MBD1: variants seen among roughly 807,000 people sequenced by gnomAD.
The protein encoded by MBD1 is methyl-CpG binding domain protein 1.
In MBD1, 25 loss-of-function variants were observed where a neutral mutation model predicts 82.6. That is an observed-to-expected ratio of 0.30 (90% CI 0.22 to 0.42). MBD1 has a LOEUF of 0.42. MBD1 is among the 10% of genes least tolerant of loss of function. MBD1 has a pLI of 1.00. For missense variants in MBD1, 627 were observed against 819.6 expected, an observed-to-expected ratio of 0.76 and a Z score of 2.87; for synonymous variants, 301 against 303.7, an observed-to-expected ratio of 0.99 and a Z score of 0.09.
chr18:50,271,345 T>C (rs1238002668), intron 16 of MBD1, 124 bp downstream of exon 16: 2 of 1,581,634 alleles, frequency 1.3e-6, no homozygotes, highest in Non-Finnish European at 1.7e-6. Flanking sequence ...AGGCCTGCTC[T>C]TCTGGTTTGG....
At chr18:50,270,168 A>G in intron 16 of MBD1, 1 of 1,597,818 alleles carries the variant, frequency 6.3e-7, no homozygotes, top group South Asian at 1.1e-5. Context: ...AGGGGTGGGG[A>G]AGGTGGCAGA....
At position 50,280,185 on chromosome 18, in the gene MBD1, A is replaced by G. The variant is rs2039662114; in HGVS notation, c.-25-168T>C. ...AAGAAACCCCTCATATTCTCACCCC[A>G]TTCTTTCCTATTCTGGGCCTAGGAT... On this transcript the variant is annotated intron_variant, in intron 1 of 16. Coordinates refer to ENST00000269468, the MANE Select transcript of MBD1 (RefSeq NM_015846.4). Among the ~76,000 whole-genome samples the G allele has an allele frequency of 2.0e-5, 3 of 151,964 alleles. No individual in the cohort carries two copies. The South Asian group carries it at 6.2e-4, about 32-fold the overall frequency.
At chr18:50,271,305 T>A in intron 16 of MBD1, 164 bp downstream of exon 16, 2 of 1,511,834 alleles carry the variant, frequency 1.3e-6, no homozygotes, top group South Asian at 2.6e-5. Context: ...CCTTTCCCGC[T>A]TACTTCTTCT....
At chr18:50,279,845 T>C in intron 2 of MBD1, 38 bp downstream of exon 2, 7 of 1,613,434 alleles carry the variant, frequency 4.3e-6, no homozygotes, top group Non-Finnish European at 5.9e-6. Context: ...AATCAGGCTC[T>C]ACCCCACTCC....
intron 1 of MBD1, 147 bp from the exon 2 acceptor site, chr18:50,280,164 A>C: frequency 1.5e-6 from 1 of 672,558 alleles, no homozygotes; most frequent in Non-Finnish European, 2.5e-6. Flanking sequence ...ATGGAAAAGA[A>C]ACCCCTCATA....
intron 13 of MBD1, 42 bp downstream of exon 13, chr18:50,273,292 A>C (rs1599316276): frequency 6.2e-7 from 1 of 1,611,616 alleles, no homozygotes; most frequent in South Asian, 1.1e-5. Flanking sequence ...CTTACAGACC[A>C]CTCCGCTACG....
chr18:50,281,185 T>C (rs1426796176), intron 1 of MBD1, 178 bp downstream of exon 1: 1 of 1,534,054 alleles, frequency 6.5e-7, no homozygotes, highest in Admixed American at 2.0e-5. Context: ...CAGAGCTGCA[T>C]TCCTTCCCGT....
At position 50,270,887 on chromosome 18, in the gene MBD1, G is replaced by A. The variant is rs78239672; in HGVS notation, c.*32+582C>T. On this transcript the variant is annotated intron_variant, in intron 16 of 16. Coordinates refer to ENST00000269468, the MANE Select transcript of MBD1 (RefSeq NM_015846.4). ...AAAGAACAAGGGCTTTAAAAGCTGGGTTTGAGTCTAGGCTCTACTAACACC... is the reference window on the plus strand; with the variant it reads ...AAAGAACAAGGGCTTTAAAAGCTGGATTTGAGTCTAGGCTCTACTAACACC... 6.5e-3 allele frequency: 1,869 copies of A among 287,622 alleles called. 26 individuals are homozygous for A. The highest frequency in any genetic ancestry group is 0.039 in the African/African-American group (1,717 of 43,764). The allele number at this position is 287,622 out of a possible 1,614,324, so 17.8% of individuals were successfully genotyped here.
At chr18:50,281,179 G>A in intron 1 of MBD1, 184 bp downstream of exon 1, 2 of 1,533,960 alleles carry the variant, frequency 1.3e-6, no homozygotes, top group Non-Finnish European at 8.7e-7. Flanking sequence ...AGAGTTCAGA[G>A]CTGCATTCCT....
intron 13 of MBD1, 133 bp from the exon 14 acceptor site, chr18:50,273,088 G>A: frequency 7.7e-7 from 1 of 1,304,122 alleles, no homozygotes; most frequent in Non-Finnish European, 1.1e-6. Context: ...CCATCTCTCT[G>A]CCTACAAAGC....
Position 50,274,294 on chromosome 18 carries a change from C to G in MBD1, c.1038G>C (p.Arg346=). Residue 346 remains arginine, a synonymous_variant, in exon 11 of 17, where the codon CGG becomes CGC. Coordinates refer to ENST00000269468, the MANE Select transcript of MBD1 (RefSeq NM_015846.4). ...AGTCGCAGCGGCCACAGTCCATCCG[C>G]CGTAGGCAGGCTGCACAGGCCCCGC... ...RKCGACAACL[R]RMDCGRCDFC... is the part of the protein sequence containing the mutation. 6.2e-7 allele frequency: 1 copy of G among 1,614,020 alleles called. No homozygotes were observed. Among genetic ancestry groups the G allele is most frequent in the African/African-American group, 1.3e-5 (1 of 75,072 alleles).
chr18:50,272,525 C>T (rs1286582313), intron 15 of MBD1, 152 bp downstream of exon 15: 1 of 843,472 alleles, frequency 1.2e-6, no homozygotes, highest in African/African-American at 1.7e-5. Context: ...GGGTCCTACA[C>T]ACACGCCCCT....
intron 2 of MBD1, among the ~76,000 whole-genome samples, chr18:50,279,103 C>T (rs950473576): frequency 5.3e-5 from 8 of 152,156 alleles, no homozygotes; most frequent in Non-Finnish European, 1.2e-4. Context: ...CATGCCATGT[C>T]GCCTTTTGAA....
chr18:50,274,988 C>A lies in MBD1; in HGVS notation c.967G>T (p.Glu323Ter). The A allele has an allele frequency of 6.2e-7, 1 of 1,610,428 alleles. No individual in the cohort carries two copies. ...PAEFIYYCVD[E>*]DELQPYTNRR... ...GTGGGGCCACTCACTAGCTCGTCCT[C>A]GTCTACACAGTAATAGATGAACTCG... The change falls in exon 10 of 17, where the codon GAG becomes TAG. Residue 323 changes from glutamate to a stop codon, truncating the protein, a stop_gained. Transcript: ENST00000269468. LOFTEE classifies it high-confidence loss of function.
chr18:50,268,227 A>G (rs368917218), downstream of MBD1, among the ~76,000 whole-genome samples: 11 of 151,948 alleles, frequency 7.2e-5, no homozygotes, highest in African/African-American at 2.7e-4. Flanking sequence ...GGCCCGAAGT[A>G]CGGCTTGGGA....
At chr18:50,271,625 T>C (rs968659006) in intron 15 of MBD1, 85 bp from the exon 16 acceptor site, 1 of 1,408,242 alleles carries the variant, frequency 7.1e-7, no homozygotes, top group South Asian at 1.2e-5. Context: ...CCTACTATTC[T>C]GTGTCCTCCA....
rs2037172516 is a variant in MBD1 at position 50,274,978 on chromosome 18, A to G, written c.977T>C (p.Leu326Pro). 1.2e-6 allele frequency: 2 copies of G among 1,611,024 alleles called. No homozygotes were observed. The highest frequency in any genetic ancestry group is 2.7e-5 in the African/African-American group (2 of 73,916). Residue 326 changes from leucine (L) to proline (P), a missense_variant and splice_region_variant, in exon 10 of 17, where the codon CTA (leucine) becomes CCA (proline). By Grantham distance (98) the Leu-to-Pro change is moderately conservative. This residue lies in a region of MBD1 where 228 missense variants were observed against 318.1 expected (regional missense o/e 0.72). Transcript: ENST00000269468. Reference sequence around the variant, plus strand: ...TCCAGGTAGGGTGGGGCCACTCACTAGCTCGTCCTCGTCTACACAGTAATA... The same window carrying G: ...TCCAGGTAGGGTGGGGCCACTCACTGGCTCGTCCTCGTCTACACAGTAATA... The part of the protein sequence containing the change: ...FIYYCVDEDE[L>P]QPYTNRRQNR...
chr18:50,281,291 G>C, intron 1 of MBD1, 72 bp downstream of exon 1: 2 of 1,408,128 alleles, frequency 1.4e-6, no homozygotes, highest in Non-Finnish European at 1.9e-6. Context: ...CTCCCCGTCA[G>C]CGTTCTGAGC....
intron 13 of MBD1, 108 bp downstream of exon 13, chr18:50,273,226 A>G: frequency 6.8e-7 from 1 of 1,475,730 alleles, no homozygotes; most frequent in South Asian, 1.2e-5. Flanking sequence ...GAAACGTCGC[A>G]ATCAGCACAT....
Sources: allele counts gnomAD v4.1 joint callset (sites outside exome capture counted in the v4.1 genomes callset), GRCh38; gene constraint gnomAD v4.1.1; regional missense constraint gnomAD v4.1.1; transcripts MANE v1.5; gene names NCBI Gene and HGNC (gene_info 2026-07-23, HGNC 2026-07-21).